The following PHLPP1 variants were observed in gnomAD, a reference collection of about 807,000 sequenced individuals.
PHLPP1 encodes the protein PH domain and leucine rich repeat protein phosphatase 1.
In PHLPP1, 42 loss-of-function variants were observed where a neutral mutation model predicts 117.2. The ratio of observed to expected loss-of-function variants is 0.36; its 90% CI spans 0.28 to 0.46. PHLPP1 has a LOEUF of 0.46. Ranked by LOEUF, PHLPP1 falls within the 20% of genes least tolerant of loss-of-function variation. PHLPP1 has a pLI of 1.00. For synonymous variants in PHLPP1, 1,042 were observed against 970.7 expected, an observed-to-expected ratio of 1.07 and a Z score of -1.37; for missense variants, 2,084 against 2,241.9, an observed-to-expected ratio of 0.93 and a Z score of 1.42.
rs1911245041 is a variant in PHLPP1 at position 62,978,068 on chromosome 18, C to G, written c.3985-194C>G. 6.6e-6 allele frequency among the ~76,000 whole-genome samples: 1 copy of G among 152,156 alleles called. No individual in the cohort carries two copies. Among genetic ancestry groups the G allele is most frequent in the Admixed American group, 6.5e-5 (1 of 15,286 alleles). ...CCTACTGCTCCTTACCTGCCCAGGCCTACTACCTGGGGTTTCTGATGACAG... is the reference window on the plus strand; with the variant it reads ...CCTACTGCTCCTTACCTGCCCAGGCGTACTACCTGGGGTTTCTGATGACAG... On this transcript the variant is annotated intron_variant, in intron 16 of 16. Coordinates refer to ENST00000262719, the MANE Select transcript of PHLPP1 (RefSeq NM_194449.4). This position sits in a 1 kb window ranked among gnomAD's most constrained non-coding sequence, Gnocchi z 7.0.
At chr18:62,848,530 A>G (rs1031335788) in intron 3 of PHLPP1, among the ~76,000 whole-genome samples, 1 of 129,148 alleles carries the variant, frequency 7.7e-6, no homozygotes, top group African/African-American at 3.0e-5. Flanking sequence ...TGGCATGATT[A>G]CAGTTCACTG....
At position 62,895,899 on chromosome 18, in the gene PHLPP1, G is replaced by A. The variant is rs761098649; in HGVS notation, c.2332G>A (p.Val778Ile). 4 of 1,613,256 alleles carry A rather than the reference G, an allele frequency of 2.5e-6. No individual in the cohort carries two copies. The highest frequency in any genetic ancestry group is 1.7e-5 in the Admixed American group (1 of 60,006). The change falls in exon 6 of 17, where the codon GTA (valine) becomes ATA (isoleucine). Residue 778 changes from valine (V) to isoleucine (I), a missense_variant. By Grantham distance (29) the Val-to-Ile change is conservative (BLOSUM62 3). Coordinates refer to ENST00000262719, the MANE Select transcript of PHLPP1 (RefSeq NM_194449.4). ...SFNEFTDIPE[V>I]LEKLTAVDKL... ...CAATGAATTTACTGACATTCCCGAAGTATTGGAGAAATTGACTGCTGTGGA... is the reference window on the plus strand; with the variant it reads ...CAATGAATTTACTGACATTCCCGAAATATTGGAGAAATTGACTGCTGTGGA...
chr18:62,734,506 G>A (rs1052807943), intron 1 of PHLPP1, among the ~76,000 whole-genome samples: 5 of 152,140 alleles, frequency 3.3e-5, no homozygotes, highest in African/African-American at 1.2e-4. Flanking sequence ...ATCTTGAGTA[G>A]ATGGCAGTGG....
chr18:62,928,485 G>T (rs985955119), intron 10 of PHLPP1, among the ~76,000 whole-genome samples: 2 of 152,138 alleles, frequency 1.3e-5, no homozygotes, highest in Non-Finnish European at 2.9e-5. Flanking sequence ...ATACCCACTA[G>T]GGTGGCTATA....
rs1241166702 is a variant in PHLPP1 at position 62,803,401 on chromosome 18, G to A, written c.1577-26634G>A. On this transcript the variant is annotated intron_variant, in intron 1 of 16. Transcript: ENST00000262719. ...ATTACCTACCCACTCCAAAATAACT[G>A]CTGTCCTAATTTCTAACACTCTAGC... is the stretch of plus-strand genomic sequence containing the variant. Among the ~76,000 whole-genome samples, 3 of 151,656 alleles carry A rather than the reference G, an allele frequency of 2.0e-5. No homozygotes were observed. In the East Asian group the frequency reaches 5.8e-4, roughly 29 times the overall value.
At chr18:62,824,169 A>G (rs542193712) in intron 1 of PHLPP1, 15 of 455,690 alleles carry the variant, frequency 3.3e-5, no homozygotes, top group Admixed American at 2.4e-4. Context: ...GATGTGGAGC[A>G]TCGGGAACTC....
chr18:62,822,164 C>T (rs1244209584), intron 1 of PHLPP1, among the ~76,000 whole-genome samples: 5 of 151,564 alleles, frequency 3.3e-5, no homozygotes, highest in Non-Finnish European at 5.9e-5. Flanking sequence ...ATTTGAGGAA[C>T]TCCAATATCC....
intron 6 of PHLPP1, among the ~76,000 whole-genome samples, chr18:62,901,658 C>G (rs545470219): frequency 1.4e-5 from 2 of 145,802 alleles, no homozygotes; most frequent in Non-Finnish European, 3.0e-5. Context: ...GAGTCTCGCT[C>G]TGTCGCCCAG....
At chr18:62,848,430 A>G (rs1055158717) in intron 3 of PHLPP1, among the ~76,000 whole-genome samples, 1 of 147,612 alleles carries the variant, frequency 6.8e-6, no homozygotes, top group Non-Finnish European at 1.5e-5. Flanking sequence ...GCTGATAACA[A>G]TTCTATGAGG....
In PHLPP1 at chr18:62,716,720, A is replaced by G; in HGVS notation, c.1037A>G (p.Asp346Gly). The G allele has an allele frequency of 6.7e-7, 1 of 1,499,084 alleles. No homozygotes were observed. The highest frequency in any genetic ancestry group is 8.9e-7 in the Non-Finnish European group (1 of 1,129,128). 92.9% of individuals were successfully genotyped at this position (1,499,084 alleles called of 1,614,324 possible). The change falls in exon 1 of 17, where the codon GAC (aspartate) becomes GGC (glycine). Residue 346 changes from aspartate (D) to glycine (G), a missense_variant. By Grantham distance (94) the Asp-to-Gly change is moderately conservative (BLOSUM62 -1). Transcript: ENST00000262719. This position sits in a 1 kb window ranked among gnomAD's most constrained non-coding sequence, Gnocchi z 5.7. Reference protein sequence around the residue: ...SPRAPRPVVSDTESFSLSPSA... With the variant: ...SPRAPRPVVSGTESFSLSPSA... ...CGCGCCCCACGGCCTGTGGTCTCCG[A>G]CACCGAGAGCTTCAGTCTGAGTCCC...
At position 62,723,766 on chromosome 18, in the gene PHLPP1, G is replaced by A. The variant is rs761122071; in HGVS notation, c.1576+6507G>A. ...TTTATCTCACACTGTGAGAGAAAAT[G>A]TACTGCTTTTTAGAGAAAGTAGTCT... is the stretch of plus-strand genomic sequence containing the variant. On this transcript the variant is annotated intron_variant, in intron 1 of 16. Coordinates refer to ENST00000262719, the MANE Select transcript of PHLPP1 (RefSeq NM_194449.4). 8.7e-4 allele frequency among the ~76,000 whole-genome samples: 133 copies of A among 152,324 alleles called. 1 individual carries two copies. The highest frequency in any genetic ancestry group is 1.6e-3 in the Non-Finnish European group (111 of 68,020).
chr18:62,788,480 C>G (rs1349318220), intron 1 of PHLPP1, among the ~76,000 whole-genome samples: 1 of 152,060 alleles, frequency 6.6e-6, no homozygotes, highest in Non-Finnish European at 1.5e-5. Context: ...AAAGGTTTTT[C>G]CTTTTGTGTG....
chr18:62,728,333 G>A (rs1013284259), intron 1 of PHLPP1, among the ~76,000 whole-genome samples: 1 of 151,714 alleles, frequency 6.6e-6, no homozygotes, highest in Non-Finnish European at 1.5e-5. Context: ...GTGACATAAA[G>A]CATTGATTTC....
chr18:62,889,055 A>G (rs910304790), intron 4 of PHLPP1, among the ~76,000 whole-genome samples: 2 of 152,228 alleles, frequency 1.3e-5, no homozygotes, highest in African/African-American at 4.8e-5. Context: ...ACATCTAGAA[A>G]GGAAAAGTGG....
intron 1 of PHLPP1, among the ~76,000 whole-genome samples, chr18:62,774,527 C>A (rs1461316977): frequency 6.6e-6 from 1 of 152,146 alleles, no homozygotes; most frequent in Non-Finnish European, 1.5e-5. Flanking sequence ...TCTTCCTTTG[C>A]CCTTGACTGA....
intron 4 of PHLPP1, among the ~76,000 whole-genome samples, chr18:62,863,463 A>G (rs925342067): frequency 1.3e-5 from 2 of 152,170 alleles, no homozygotes; most frequent in African/African-American, 4.8e-5. Flanking sequence ...TCGGCCTCCC[A>G]AAGTGCTGGG....
intron 1 of PHLPP1, among the ~76,000 whole-genome samples, chr18:62,814,805 T>C (rs1205314687): frequency 6.6e-6 from 1 of 152,244 alleles, no homozygotes; most frequent in Admixed American, 6.5e-5. Flanking sequence ...AGTAGATTTA[T>C]ACAAAGTCCT....
chr18:62,950,984 T>G (rs560793068), intron 12 of PHLPP1, among the ~76,000 whole-genome samples: 66 of 151,832 alleles, frequency 4.3e-4, no homozygotes, highest in African/African-American at 1.5e-3. Context: ...CAGACTAGTT[T>G]TTTTTTTTTT....
chr18:62,828,742 T>C (rs1033121408), intron 1 of PHLPP1, among the ~76,000 whole-genome samples: 1 of 152,162 alleles, frequency 6.6e-6, no homozygotes, highest in African/African-American at 2.4e-5. Context: ...TTTATGTTGG[T>C]TTTTAATATT....
Sources: gnomAD v4.1 joint callset for allele counts (sites outside exome capture counted in the v4.1 genomes callset) on GRCh38, gnomAD v4.1.1 for gene constraint, Gnocchi (gnomAD v3.1) non-coding constraint, MANE v1.5 for transcripts, NCBI Gene and HGNC (gene_info 2026-07-23, HGNC 2026-07-21) for gene names.